Variants in LRMDA observed in about 807,000 individuals in gnomAD.
LRMDA encodes leucine rich melanocyte differentiation associated, also known as leucine-rich melanocyte differentiation-associated protein.
LRMDA carries 18 observed loss-of-function variants against 29.8 expected under a neutral mutation model. The ratio of observed to expected loss-of-function variants is 0.60; its 90% confidence interval spans 0.42 to 0.90. The LOEUF is 0.90. Ranked by LOEUF, LRMDA falls within the 40% of genes least tolerant of loss-of-function variation. The pLI, the probability that LRMDA is intolerant of heterozygous loss-of-function variation, is 0.00. For synonymous variants in LRMDA, 125 were observed against 109.4 expected, an observed-to-expected ratio of 1.14 and a Z score of -0.89; for missense variants, 273 against 273.9, an observed-to-expected ratio of 1.00 and a Z score of 0.02.
At chr10:75,504,371 C>T (rs865946854) in intron 2 of LRMDA, among the ~76,000 whole-genome samples, 6 of 152,130 alleles carry the variant, frequency 3.9e-5, no homozygotes, top group Non-Finnish European at 8.8e-5. Flanking sequence ...AAGAATGTCC[C>T]TACCCTTGCT....
intron 5 of LRMDA, among the ~76,000 whole-genome samples, chr10:76,316,386 G>A (rs1589424528): frequency 1.3e-5 from 2 of 152,230 alleles, no homozygotes; most frequent in African/African-American, 4.8e-5. Context: ...ACACCTGGCC[G>A]TGCGCTGTGG....
At chr10:76,304,178 A>G (rs981736404) in intron 5 of LRMDA, among the ~76,000 whole-genome samples, 1 of 152,204 alleles carries the variant, frequency 6.6e-6, no homozygotes, top group Admixed American at 6.5e-5. Flanking sequence ...AGACAGAAAG[A>G]TGGGTATAAC....
intron 2 of LRMDA, among the ~76,000 whole-genome samples, chr10:75,550,777 G>T (rs1403410909): frequency 1.3e-5 from 2 of 151,648 alleles, no homozygotes; most frequent in Non-Finnish European, 1.5e-5. Context: ...ATATATTTAT[G>T]ATTTCATTTC....
chr10:75,855,626 T>C (rs1044356382), intron 2 of LRMDA, among the ~76,000 whole-genome samples: 2 of 152,226 alleles, frequency 1.3e-5, no homozygotes, highest in East Asian at 3.8e-4. Context: ...GTTTTAGACA[T>C]GAAGTCCTTG....
In LRMDA at chr10:75,669,073, G is replaced by T. The variant is rs560727169; in HGVS notation, c.131+230579G>T. ...TTAAGATGCTGATACATGGCAAGTT[G>T]TCAGCTACCAGCATTTTCCTCTCTA... is the stretch of plus-strand genomic sequence containing the variant. On this transcript the variant is annotated intron_variant, in intron 2 of 6. Coordinates refer to ENST00000611255, the MANE Select transcript of LRMDA (RefSeq NM_001305581.2). Among the ~76,000 whole-genome samples the T allele has an allele frequency of 5.3e-5, 8 of 152,282 alleles. 1 individual carries two copies. The South Asian group carries it at 1.7e-3, about 32-fold the overall frequency.
chr10:76,182,652 G>A (rs1851071193), intron 5 of LRMDA, among the ~76,000 whole-genome samples: 1 of 152,140 alleles, frequency 6.6e-6, no homozygotes, highest in African/African-American at 2.4e-5. Context: ...ACTGTAGACA[G>A]GGTACATGGA....
chr10:76,219,607 T>C (rs1851792482), intron 5 of LRMDA, among the ~76,000 whole-genome samples: 1 of 152,126 alleles, frequency 6.6e-6, no homozygotes, highest in South Asian at 2.1e-4. Flanking sequence ...AGCACCCAGA[T>C]TCATATAGCA....
chr10:75,466,367 A>C (rs1226849110), intron 2 of LRMDA, among the ~76,000 whole-genome samples: 1 of 151,702 alleles, frequency 6.6e-6, no homozygotes, highest in Non-Finnish European at 1.5e-5. Flanking sequence ...TAGTGATAGA[A>C]CCATCATTCC....
intron 2 of LRMDA, among the ~76,000 whole-genome samples, chr10:75,494,218 G>A (rs1164257900): frequency 6.6e-6 from 1 of 152,184 alleles, no homozygotes; most frequent in Non-Finnish European, 1.5e-5. Flanking sequence ...TGCTTGAAAT[G>A]ATGGCTTTGA....
At chr10:76,233,210 A>C (rs549546691) in intron 5 of LRMDA, among the ~76,000 whole-genome samples, 51 of 152,368 alleles carry the variant, frequency 3.3e-4, no homozygotes, top group African/African-American at 1.2e-3. Flanking sequence ...CAATAAAGCA[A>C]GTAACATGAA....
chr10:76,350,580 G>A (rs1841163783), intron 6 of LRMDA, among the ~76,000 whole-genome samples: 1 of 152,036 alleles, frequency 6.6e-6, no homozygotes, highest in South Asian at 2.1e-4. Context: ...GGAATATCAG[G>A]AAGGAGCTAA....
intron 5 of LRMDA, among the ~76,000 whole-genome samples, chr10:76,136,956 A>G (rs1054743940): frequency 3.9e-5 from 6 of 152,222 alleles, no homozygotes; most frequent in African/African-American, 1.4e-4. Flanking sequence ...AGGTAACACC[A>G]AAAAGCTGCA....
intron 2 of LRMDA, among the ~76,000 whole-genome samples, chr10:75,952,925 T>C (rs1048099229): frequency 4.7e-5 from 7 of 147,944 alleles, no homozygotes; most frequent in African/African-American, 1.8e-4. Flanking sequence ...CAGCTACCTT[T>C]TGTATTTTTA....
chr10:75,580,613 C>G (rs972328460), intron 2 of LRMDA, among the ~76,000 whole-genome samples: 1 of 152,158 alleles, frequency 6.6e-6, no homozygotes, highest in Non-Finnish European at 1.5e-5. Context: ...ATAGCCAAGA[C>G]AATCCTAAGC....
chr10:75,740,816 T>C (rs1275824112), intron 2 of LRMDA, among the ~76,000 whole-genome samples: 3 of 152,168 alleles, frequency 2.0e-5, no homozygotes, highest in Non-Finnish European at 4.4e-5. Flanking sequence ...GACTCATGAA[T>C]AGCACTCAAT....
At chr10:76,200,650 A>G (rs566721953) in intron 5 of LRMDA, among the ~76,000 whole-genome samples, 6 of 151,330 alleles carry the variant, frequency 4.0e-5, no homozygotes, top group Admixed American at 1.3e-4. Context: ...ATTGTACTTG[A>G]TATTGGATAG....
At chr10:75,560,215 G>T (rs1162746941) in intron 2 of LRMDA, among the ~76,000 whole-genome samples, 1 of 152,074 alleles carries the variant, frequency 6.6e-6, no homozygotes, top group African/African-American at 2.4e-5. Context: ...TCATTGAGCA[G>T]TGGTTTGTAG....
intron 2 of LRMDA, among the ~76,000 whole-genome samples, chr10:75,892,532 C>T (rs1845509423): frequency 6.6e-6 from 1 of 152,196 alleles, no homozygotes; most frequent in Admixed American, 6.5e-5. Flanking sequence ...GGCTTAGAAC[C>T]TGACTCAATG....
chr10:76,461,709 AAGTGCTGTCTT>A (rs572037409), intron 6 of LRMDA, among the ~76,000 whole-genome samples: 1 of 152,146 alleles, frequency 6.6e-6, no homozygotes, highest in Non-Finnish European at 1.5e-5. Flanking sequence ...CTGAGAAGAG[AAGTGCTGTCTT>A]AAGAAATTTC....
Sources: gnomAD v4.1 joint callset for allele counts (sites outside exome capture counted in the v4.1 genomes callset) on GRCh38, gnomAD v4.1.1 for gene constraint, MANE v1.5 for transcripts, NCBI Gene and HGNC (gene_info 2026-07-23, HGNC 2026-07-21) for gene names.